ZMAT4: variants seen among roughly 807,000 people sequenced by gnomAD.
ZMAT4 encodes zinc finger matrin-type 4.
In ZMAT4, 17 loss-of-function variants were observed where a neutral mutation model predicts 28.7. The observed-to-expected ratio is 0.59, with a 90% CI of 0.41 to 0.89. ZMAT4 has a LOEUF of 0.89. ZMAT4 is among the 40% of genes least tolerant of loss of function. The pLI is 0.00. For synonymous variants in ZMAT4, 117 were observed against 109.2 expected (o/e 1.07, Z -0.44); for missense variants, 240 against 283.8 (o/e 0.85, Z 1.11).
chr8:40,851,554 T>G (rs1247498099), intron 1 of ZMAT4, among the ~76,000 whole-genome samples: 3 of 152,220 alleles, frequency 2.0e-5, no homozygotes, highest in Admixed American at 6.5e-5. Flanking sequence ...AGTGAAGGGT[T>G]TATAAATACT....
chr8:40,827,812 G>A (rs1186873158), intron 1 of ZMAT4, among the ~76,000 whole-genome samples: 1 of 152,208 alleles, frequency 6.6e-6, no homozygotes, highest in Non-Finnish European at 1.5e-5. Context: ...AAGGCAACCT[G>A]TTCCAGAGAG....
At chr8:40,707,393 A>T (rs576711599) in intron 3 of ZMAT4, among the ~76,000 whole-genome samples, 1 of 152,170 alleles carries the variant, frequency 6.6e-6, no homozygotes, top group Non-Finnish European at 1.5e-5. Context: ...GATTCAAAAG[A>T]TACTTGATGA....
chr8:40,616,671 G>A (rs966419729), intron 5 of ZMAT4, among the ~76,000 whole-genome samples: 15 of 152,048 alleles, frequency 9.9e-5, no homozygotes, highest in Non-Finnish European at 2.2e-4. Flanking sequence ...TCACTCATAT[G>A]TGGGAATTGA....
rs552674018 is a variant in ZMAT4, at chr8:40,828,389, A to G, written c.-4-2709T>C. Among the ~76,000 whole-genome samples the G allele has an allele frequency of 2.0e-5, 3 of 152,170 alleles. No individual in the cohort carries two copies. The South Asian group carries it at 6.2e-4, about 32-fold the overall frequency. The stretch of plus-strand genomic sequence containing the variant: ...TGACCTGGTTAATAGGAATCTCCAA[A>G]CTCACTGCACACTCCTTCCTCATTA... On this transcript the variant is annotated intron_variant, in intron 1 of 6. Coordinates refer to ENST00000297737, the MANE Select transcript of ZMAT4 (RefSeq NM_024645.3).
At chr8:40,650,056 G>A (rs974151198) in intron 5 of ZMAT4, among the ~76,000 whole-genome samples, 1 of 151,866 alleles carries the variant, frequency 6.6e-6, no homozygotes, top group Non-Finnish European at 1.5e-5. Flanking sequence ...GCTAGAAGAA[G>A]GCAAGAAATA....
chr8:40,688,225 A>G (rs1189407496), intron 4 of ZMAT4, among the ~76,000 whole-genome samples: 1 of 152,184 alleles, frequency 6.6e-6, no homozygotes, highest in East Asian at 1.9e-4. Context: ...TGAGAGGCCC[A>G]GACAGGTGGA....
chr8:40,647,346 C>A (rs1239312130), intron 5 of ZMAT4, among the ~76,000 whole-genome samples: 2 of 151,504 alleles, frequency 1.3e-5, no homozygotes, highest in African/African-American at 4.9e-5. Context: ...TCACTCCCAC[C>A]CGAATACTGC....
chr8:40,558,753 C>A (rs927702563), intron 6 of ZMAT4, among the ~76,000 whole-genome samples: 3 of 152,094 alleles, frequency 2.0e-5, no homozygotes, highest in African/African-American at 7.2e-5. Context: ...CCCCAACTGA[C>A]TGAACGGGCT....
At chr8:40,807,880 A>G (rs982572295) in intron 2 of ZMAT4, among the ~76,000 whole-genome samples, 1 of 152,234 alleles carries the variant, frequency 6.6e-6, no homozygotes, top group African/African-American at 2.4e-5. Context: ...TTCTTAAAAT[A>G]CTAGAGGCAA....
At chr8:40,790,701 A>G (rs1489895446) in intron 2 of ZMAT4, among the ~76,000 whole-genome samples, 1 of 152,238 alleles carries the variant, frequency 6.6e-6, no homozygotes, top group Non-Finnish European at 1.5e-5. Flanking sequence ...TAAGATGTCA[A>G]TTATCTGACA....
chr8:40,683,259 C>A (rs764304507), intron 4 of ZMAT4, among the ~76,000 whole-genome samples: 3 of 152,176 alleles, frequency 2.0e-5, no homozygotes, highest in Admixed American at 6.5e-5. Context: ...ATGATAGCAT[C>A]CACTCTGTCC....
chr8:40,716,917 G>A (rs1258958001), intron 3 of ZMAT4, among the ~76,000 whole-genome samples: 2 of 152,068 alleles, frequency 1.3e-5, no homozygotes, highest in Admixed American at 6.6e-5. Context: ...GTATCACGTG[G>A]ACCTGCCTTT....
At chr8:40,550,427 C>CTG (rs1803331892) in intron 6 of ZMAT4, among the ~76,000 whole-genome samples, 1 of 152,208 alleles carries the variant, frequency 6.6e-6, no homozygotes. Flanking sequence ...GTCTTGGAAT[C>CTG]TGCTTCTCAG....
At chr8:40,828,002 A>G (rs1586127566) in intron 1 of ZMAT4, among the ~76,000 whole-genome samples, 1 of 152,162 alleles carries the variant, frequency 6.6e-6, no homozygotes, top group Non-Finnish European at 1.5e-5. Flanking sequence ...TCCAAGTCCT[A>G]CCCAGCCTCA....
intron 2 of ZMAT4, among the ~76,000 whole-genome samples, chr8:40,799,095 A>C (rs1814716668): frequency 6.6e-6 from 1 of 151,284 alleles, no homozygotes; most frequent in Non-Finnish European, 1.5e-5. Context: ...GGATGGATGG[A>C]TGGATGGATT....
At chr8:40,593,141 A>G (rs1013408697) in intron 5 of ZMAT4, among the ~76,000 whole-genome samples, 18 of 152,196 alleles carry the variant, frequency 1.2e-4, no homozygotes, top group African/African-American at 4.3e-4. Context: ...CCGGTGCCAT[A>G]GATCTCGTCG....
intron 4 of ZMAT4, among the ~76,000 whole-genome samples, chr8:40,679,828 C>T (rs1207983666): frequency 6.6e-6 from 1 of 152,174 alleles, no homozygotes; most frequent in Non-Finnish European, 1.5e-5. Context: ...CAGCACTTTG[C>T]ATGCAACAGA....
In ZMAT4 at chr8:40,768,387, G is replaced by A. The variant is rs1179553812; in HGVS notation, c.103-657C>T. Among the ~76,000 whole-genome samples, 6 of 152,276 alleles carry A rather than the reference G, an allele frequency of 3.9e-5. No individual in the cohort carries two copies. The East Asian group carries it at 1.2e-3, about 29-fold the overall frequency. ...TTGTTGATTTCTGGCTATACTGACTGGTCCATGCCCAGCATGGAGAAACTG... is the reference window on the plus strand; with the variant it reads ...TTGTTGATTTCTGGCTATACTGACTAGTCCATGCCCAGCATGGAGAAACTG... On this transcript the variant is annotated intron_variant, in intron 2 of 6. Coordinates refer to ENST00000297737, the MANE Select transcript of ZMAT4 (RefSeq NM_024645.3).
intron 5 of ZMAT4, among the ~76,000 whole-genome samples, chr8:40,614,352 AAAAT>A (rs1420428632): frequency 1.3e-5 from 2 of 152,246 alleles, no homozygotes; most frequent in Non-Finnish European, 2.9e-5. Flanking sequence ...GGGAAAATAA[AAAAT>A]AAATAGTTAT....
Sources: gnomAD v4.1 joint callset for allele counts (sites outside exome capture counted in the v4.1 genomes callset) on GRCh38, gnomAD v4.1.1 for gene constraint, MANE v1.5 for transcripts, NCBI Gene and HGNC (gene_info 2026-07-23, HGNC 2026-07-21) for gene names.